The following UNC13C variants were observed in gnomAD, a reference collection of about 807,000 sequenced individuals.
The protein encoded by UNC13C is protein unc-13 homolog C.
UNC13C carries 174 observed loss-of-function variants against 245.4 expected under a neutral mutation model. That is an observed-to-expected ratio of 0.71 (90% confidence interval 0.63 to 0.80). The LOEUF (loss-of-function observed/expected upper bound fraction) is 0.80, where lower values mean the gene tolerates loss of function less well. Ranked by LOEUF, UNC13C falls within the 30% of genes least tolerant of loss-of-function variation. The pLI, the probability that UNC13C is intolerant of heterozygous loss-of-function variation, is 0.00. For synonymous variants in UNC13C, 992 were observed against 895.1 expected (o/e 1.11, Z -1.93); for missense variants, 2,829 against 2,602.9 (o/e 1.09, Z -1.89).
chr15:53,992,846 G>A (rs1351865675), intron 1 of UNC13C, among the ~76,000 whole-genome samples: 1 of 152,022 alleles, frequency 6.6e-6, no homozygotes, highest in Non-Finnish European at 1.5e-5. Flanking sequence ...ACTGCATCAA[G>A]AGGCCCTAGC....
chr15:54,378,999 AT>A (rs2039664467), intron 17 of UNC13C, among the ~76,000 whole-genome samples: 1 of 152,046 alleles, frequency 6.6e-6, no homozygotes, highest in Non-Finnish European at 1.5e-5. Context: ...ACTATTGAAT[AT>A]TTTATGGTAA....
intron 2 of UNC13C, among the ~76,000 whole-genome samples, chr15:54,066,867 A>G (rs1322445179): frequency 6.6e-6 from 1 of 152,164 alleles, no homozygotes; most frequent in Non-Finnish European, 1.5e-5. Flanking sequence ...TGTCCCACAG[A>G]AATATCTAAA....
chr15:54,228,809 T>C (rs188675372), intron 4 of UNC13C, among the ~76,000 whole-genome samples: 1 of 152,304 alleles, frequency 6.6e-6, no homozygotes, highest in African/African-American at 2.4e-5. Flanking sequence ...CTGTGAGCTG[T>C]GCTGCCTGGG....
Position 54,322,890 on chromosome 15 carries a change from G to A in UNC13C, c.4425+795G>A, listed in dbSNP as rs553788899. Among the ~76,000 whole-genome samples, 9 of 152,090 alleles carry A rather than the reference G, an allele frequency of 5.9e-5. No homozygotes were observed. The East Asian group carries it at 1.2e-3, about 20-fold the overall frequency. Reference sequence around the variant, plus strand: ...GCCTCAATAGCATTTGGTATGTTTGGGGACATGGACAGGGAGGGAAGGAGA... The same window carrying A: ...GCCTCAATAGCATTTGGTATGTTTGAGGACATGGACAGGGAGGGAAGGAGA... On this transcript the variant is annotated intron_variant, in intron 14 of 32. Coordinates refer to ENST00000260323, the MANE Select transcript of UNC13C (RefSeq NM_001080534.3).
In UNC13C at chr15:54,014,327, C is replaced by A; in HGVS notation, c.1424C>A (p.Thr475Lys). The A allele has an allele frequency of 1.9e-6, 3 of 1,613,898 alleles. No individual in the cohort carries two copies. The highest frequency in any genetic ancestry group is 2.5e-6 in the Non-Finnish European group (3 of 1,179,842). The stretch of plus-strand genomic sequence containing the variant: ...GTGCTTTCCAAGTCAGAGCTTCTAA[C>A]AAAGGGAAGTACTTCCAAGCCAAGC... Reference protein sequence around the residue: ...YAVLSKSELLTKGSTSKPSSK... With the variant: ...YAVLSKSELLKKGSTSKPSSK... The change falls in exon 2 of 33, where the codon ACA becomes AAA. Residue 475 changes from threonine (T) to lysine (K), a missense_variant. Coordinates refer to ENST00000260323, the MANE Select transcript of UNC13C (RefSeq NM_001080534.3).
At chr15:54,620,088 T>C (rs1900699312) in intron 30 of UNC13C, among the ~76,000 whole-genome samples, 1 of 152,194 alleles carries the variant, frequency 6.6e-6, no homozygotes, top group African/African-American at 2.4e-5. Flanking sequence ...AGACTATGTT[T>C]GACCTAATTG....
chr15:53,845,377 C>G, the UNC13C span, among the ~76,000 whole-genome samples: 11 of 149,612 alleles, frequency 7.4e-5, no homozygotes, highest in South Asian at 2.3e-3. Context: ...GTATAGAAAA[C>G]TGAAATAGAG....
At chr15:54,162,139 G>A (rs1171148148) in intron 4 of UNC13C, among the ~76,000 whole-genome samples, 3 of 152,130 alleles carry the variant, frequency 2.0e-5, no homozygotes, top group African/African-American at 4.8e-5. Flanking sequence ...ATGTGTGTAC[G>A]TGGCTGATGT....
rs1207440698 is a variant in UNC13C at position 54,532,850 on chromosome 15, G to A, written c.5547-67G>A. 9.3e-6 allele frequency: 10 copies of A among 1,072,946 alleles called. No homozygotes were observed. The Admixed American group carries it at 2.0e-4, about 22-fold the overall frequency. The allele number at this position is 1,072,946 out of a possible 1,614,324, so 66.5% of individuals were successfully genotyped here. On this transcript the variant is annotated intron_variant, in intron 25 of 32. Coordinates refer to ENST00000260323, the MANE Select transcript of UNC13C (RefSeq NM_001080534.3). ...GTTGAAACAGATCAAAATCCTCAGG[G>A]TGAAATTGGAACAGGCTCAGGCAAA...
chr15:54,572,160 A>G lies in UNC13C; in HGVS notation c.6106+4213A>G, dbSNP rs115985115. On this transcript the variant is annotated intron_variant, in intron 30 of 32. Coordinates refer to ENST00000260323, the MANE Select transcript of UNC13C (RefSeq NM_001080534.3). Reference sequence around the variant, plus strand: ...GCAGGGTGCCAGATCCCGGGTCAACATGTATCTAAACTCTGTGCCCTGACC... The same window carrying G: ...GCAGGGTGCCAGATCCCGGGTCAACGTGTATCTAAACTCTGTGCCCTGACC... Among the ~76,000 whole-genome samples, 874 of 152,116 alleles carry G rather than the reference A, an allele frequency of 5.7e-3. 10 individuals carry two copies. Among genetic ancestry groups the G allele is most frequent in the African/African-American group, 0.02 (835 of 41,512 alleles).
chr15:54,562,634 T>C (rs1433213258), intron 29 of UNC13C, among the ~76,000 whole-genome samples: 1 of 152,070 alleles, frequency 6.6e-6, no homozygotes, highest in Non-Finnish European at 1.5e-5. Context: ...TCTCCTGCTA[T>C]GTATTGGTGC....
At chr15:54,620,277 G>T (rs1221963344) in intron 30 of UNC13C, among the ~76,000 whole-genome samples, 2 of 152,070 alleles carry the variant, frequency 1.3e-5, no homozygotes, top group South Asian at 4.2e-4. Context: ...ACACACACAG[G>T]TAGGGTGTAT....
intron 19 of UNC13C, among the ~76,000 whole-genome samples, chr15:54,415,927 G>A (rs1356454172): frequency 1.3e-5 from 2 of 152,166 alleles, no homozygotes; most frequent in African/African-American, 2.4e-5. Context: ...CTTCCTCTAA[G>A]AAAATGTAAC....
intron 2 of UNC13C, among the ~76,000 whole-genome samples, chr15:54,029,994 T>C (rs1446102502): frequency 6.6e-6 from 1 of 152,168 alleles, no homozygotes; most frequent in Non-Finnish European, 1.5e-5. Context: ...TTCTACCCTT[T>C]GGGAGGGCAA....
intron 2 of UNC13C, among the ~76,000 whole-genome samples, chr15:54,060,148 AG>A (rs1897743766): frequency 1.3e-5 from 1 of 78,214 alleles, no homozygotes; most frequent in Admixed American, 1.0e-4. Context: ...GCTTCTGCAC[AG>A]CAAAAGAAAC....
chr15:54,410,688 G>C (rs1479524009), intron 18 of UNC13C, among the ~76,000 whole-genome samples: 1 of 151,828 alleles, frequency 6.6e-6, no homozygotes, highest in African/African-American at 2.4e-5. Flanking sequence ...CTTATTTCTG[G>C]GCTCTCTGTT....
At chr15:54,179,123 T>G (rs1225934160) in intron 4 of UNC13C, among the ~76,000 whole-genome samples, 4 of 152,162 alleles carry the variant, frequency 2.6e-5, no homozygotes, top group Non-Finnish European at 2.9e-5. Flanking sequence ...TGAGTAGAAG[T>G]GATTAACACC....
chr15:54,116,703 C>A (rs1461476675), intron 2 of UNC13C, among the ~76,000 whole-genome samples: 1 of 152,138 alleles, frequency 6.6e-6, no homozygotes, highest in Non-Finnish European at 1.5e-5. Flanking sequence ...GTTGATTCCA[C>A]ATGTTGGCTA....
At chr15:54,391,366 T>A (rs1221178311) in intron 17 of UNC13C, among the ~76,000 whole-genome samples, 1 of 152,100 alleles carries the variant, frequency 6.6e-6, no homozygotes, top group African/African-American at 2.4e-5. Context: ...GAGCTTAATA[T>A]AATGCACAAA....
Sources: gnomAD v4.1 joint callset for allele counts (sites outside exome capture counted in the v4.1 genomes callset) on GRCh38, gnomAD v4.1.1 for gene constraint, MANE v1.5 for transcripts, NCBI Gene and HGNC (gene_info 2026-07-23, HGNC 2026-07-21) for gene names.